PRMT9: variants seen among roughly 807,000 people sequenced by gnomAD.
PRMT9 encodes the protein protein arginine N-methyltransferase 9.
In PRMT9, 59 loss-of-function variants were observed where a neutral mutation model predicts 83.2. That is an observed-to-expected ratio of 0.71 (90% CI 0.57 to 0.88). The LOEUF (loss-of-function observed/expected upper bound fraction) is 0.88. Ranked by LOEUF, PRMT9 falls within the 40% of genes least tolerant of loss-of-function variation. The probability of loss-of-function intolerance (pLI) is 0.00; values close to 1 mark genes in which losing one functional copy is unlikely to be tolerated. For missense variants in PRMT9, 947 were observed against 1,021.9 expected (o/e 0.93, Z 1.00); for synonymous variants, 333 against 353.2 (o/e 0.94, Z 0.64).
chr4:147,662,868 C>G (rs1578912262), intron 6 of PRMT9, among the ~76,000 whole-genome samples: 2 of 152,010 alleles, frequency 1.3e-5, no homozygotes, highest in Admixed American at 1.3e-4. Flanking sequence ...GGAAACTACT[C>G]CAACCTCATC....
At chr4:147,678,190 GT>G (rs1736221808) in intron 2 of PRMT9, among the ~76,000 whole-genome samples, 1 of 152,180 alleles carries the variant, frequency 6.6e-6, no homozygotes, top group African/African-American at 2.4e-5. Context: ...GAGAAATTCT[GT>G]GGTCACTTAG....
chr4:147,657,681 A>C, intron 8 of PRMT9, 111 bp downstream of exon 8: 1 of 785,538 alleles, frequency 1.3e-6, no homozygotes, highest in Non-Finnish European at 2.1e-6. Context: ...AGATTTAACC[A>C]ACCTCCTTTG....
chr4:147,666,054 T>G (rs1375617917), intron 6 of PRMT9, among the ~76,000 whole-genome samples: 1 of 152,216 alleles, frequency 6.6e-6, no homozygotes, highest in Non-Finnish European at 1.5e-5. Flanking sequence ...GCACTAACAG[T>G]GTATAAATTT....
chr4:147,656,317 G>C (rs956252166), intron 8 of PRMT9, among the ~76,000 whole-genome samples: 1 of 152,046 alleles, frequency 6.6e-6, no homozygotes, highest in African/African-American at 2.4e-5. Context: ...GTGTGTGTCA[G>C]GATGTCCCTC....
intron 9 of PRMT9, among the ~76,000 whole-genome samples, chr4:147,648,056 T>C (rs1048582901): frequency 1.3e-5 from 2 of 152,172 alleles, no homozygotes; most frequent in African/African-American, 2.4e-5. Context: ...AAATATGATA[T>C]TGTGATTATA....
chr4:147,638,905 T>A, intron 11 of PRMT9, 55 bp downstream of exon 11: 2 of 1,521,950 alleles, frequency 1.3e-6, no homozygotes, highest in Admixed American at 3.4e-5. Flanking sequence ...TTACCTAATT[T>A]AAGATAATTA....
intron 7 of PRMT9, among the ~76,000 whole-genome samples, 166 bp from the exon 8 acceptor site, chr4:147,658,141 T>G (rs1200812955): frequency 1.3e-5 from 2 of 151,650 alleles, no homozygotes; most frequent in African/African-American, 4.9e-5. Context: ...GTTGGGAAGC[T>G]CTGACCTATT....
rs1734900626 is a variant in PRMT9, at chr4:147,660,872, T to A, written c.1120A>T (p.Met374Leu). The A allele has an allele frequency of 6.2e-7, 1 of 1,613,442 alleles. No individual in the cohort carries two copies. The highest frequency in any genetic ancestry group is 2.2e-5 in the East Asian group (1 of 44,832). ...YLALTECFEIMTVDFNNLQEL... is the reference protein window; with the variant it reads ...YLALTECFEILTVDFNNLQEL... ...TGAAGGTTGTTGAAATCTACTGTCA[T>A]AATTTCAAAGCACTCTGTCAAAGCC... is the stretch of plus-strand genomic sequence containing the variant. Residue 374 changes from methionine (M) to leucine (L), a missense_variant, in exon 7 of 12, where the codon ATG (methionine) becomes TTG (leucine). Physicochemically the swap from Met to Leu is conservative, Grantham distance 15 (BLOSUM62 2). Coordinates refer to ENST00000322396, the MANE Select transcript of PRMT9 (RefSeq NM_138364.4).
At chr4:147,675,135 C>A (rs1435345857) in intron 2 of PRMT9, among the ~76,000 whole-genome samples, 1 of 152,114 alleles carries the variant, frequency 6.6e-6, no homozygotes, top group Non-Finnish European at 1.5e-5. Flanking sequence ...AATGCGCCAC[C>A]ACGTCCGGCT....
Position 147,638,458 on chromosome 4 carries a change from C to A in PRMT9, c.*74G>T, listed in dbSNP as rs1030025131. ...GACCATTACAAGGAATTTTTATATA[C>A]CCCCACTAATTAAGACAAGAATTTT... On this transcript the variant is annotated 3_prime_UTR_variant, in exon 12 of 12. Transcript: ENST00000322396. 8.4e-6 allele frequency: 9 copies of A among 1,067,796 alleles called. No homozygotes were observed. The South Asian group carries it at 1.0e-4, about 12-fold the overall frequency. The allele number at this position is 1,067,796 out of a possible 1,614,324, so 66.1% of individuals were successfully genotyped here.
Position 147,654,221 on chromosome 4 carries a change from G to A in PRMT9, c.1676C>T (p.Thr559Ile), listed in dbSNP as rs1734323475. ...AGAGCTCATCTCATTCTGACAGTGA[G>A]TATCCATGGTCTGATACAGTTTCTC... ...TPEKLYQTMD[T>I]HCQNEMSSGT... The change falls in exon 9 of 12, where the codon ACT becomes ATT. Residue 559 changes from threonine to isoleucine, a missense_variant. Transcript: ENST00000322396. 10 of 1,614,112 alleles carry A rather than the reference G, an allele frequency of 6.2e-6. No homozygotes were observed. Among genetic ancestry groups the A allele is most frequent in the Non-Finnish European group, 8.5e-6 (10 of 1,179,934 alleles).
rs147031996 is a variant in PRMT9 at position 147,676,917 on chromosome 4, G to A, written c.339-3043C>T. Among the ~76,000 whole-genome samples, 566 of 151,938 alleles carry A rather than the reference G, an allele frequency of 3.7e-3. 7 individuals are homozygous for A. The highest frequency in any genetic ancestry group is 0.013 in the African/African-American group (520 of 41,426). On this transcript the variant is annotated intron_variant, in intron 2 of 11. Coordinates refer to ENST00000322396, the MANE Select transcript of PRMT9 (RefSeq NM_138364.4). ...AAATTAGCCGGGCGTGGTGGCATGT[G>A]CCTGTAATTCCAGCTACTCCGGAGG...
chr4:147,641,775 C>T (rs1733419662), intron 10 of PRMT9, among the ~76,000 whole-genome samples: 1 of 152,166 alleles, frequency 6.6e-6, no homozygotes, highest in African/African-American at 2.4e-5. Context: ...AATTCTCCTA[C>T]CTCAGCCTCC....
At chr4:147,674,603 T>C (rs1316186312) in intron 2 of PRMT9, among the ~76,000 whole-genome samples, 1 of 152,186 alleles carries the variant, frequency 6.6e-6, no homozygotes, top group Non-Finnish European at 1.5e-5. Flanking sequence ...TTAAGACTAG[T>C]CAAGTGCAAT....
intron 6 of PRMT9, among the ~76,000 whole-genome samples, chr4:147,664,390 GTTC>G (rs1735177683): frequency 6.6e-6 from 1 of 152,152 alleles, no homozygotes; most frequent in Non-Finnish European, 1.5e-5. Context: ...ATCTTAAACA[GTTC>G]TTCATCTTTG....
chr4:147,657,993 G>T lies in PRMT9; in HGVS notation c.1147-18C>A. 1 of 1,504,442 alleles carries T rather than the reference G, an allele frequency of 6.6e-7. No homozygotes were observed. The highest frequency in any genetic ancestry group is 9.2e-7 in the Non-Finnish European group (1 of 1,087,760). The allele number at this position is 1,504,442 out of a possible 1,614,324, so 93.2% of individuals were successfully genotyped here. A position where few individuals can be genotyped will look rare whatever the true frequency, so the allele number is the denominator to read the frequency against. ...TTTAATTCCTGAGAAAAATGTAGAAGGAATGAAACGGTTTTATATATTTCA... is the reference window on the plus strand; with the variant it reads ...TTTAATTCCTGAGAAAAATGTAGAATGAATGAAACGGTTTTATATATTTCA... On this transcript the variant is annotated intron_variant, in intron 7 of 11. Transcript: ENST00000322396.
At chr4:147,654,906 C>T (rs1734377810) in intron 8 of PRMT9, among the ~76,000 whole-genome samples, 1 of 152,156 alleles carries the variant, frequency 6.6e-6, no homozygotes. Context: ...GGGACTCTAT[C>T]ATCTTTGGTA....
Position 147,673,833 on chromosome 4 carries a change from G to A in PRMT9, c.380C>T (p.Ala127Val). The A allele has an allele frequency of 1.9e-6, 3 of 1,614,098 alleles. No homozygotes were observed. The highest frequency in any genetic ancestry group is 2.5e-6 in the Non-Finnish European group (3 of 1,179,982). Reference sequence around the variant, plus strand: ...ACTGAAATCAGGGTTTAGCTTCACTGCTTTATGAAAATACCCAGCTGCTTC... The same window carrying A: ...ACTGAAATCAGGGTTTAGCTTCACTACTTTATGAAAATACCCAGCTGCTTC... Reference protein sequence around the residue: ...RDEAAGYFHKAVKLNPDFSDA... With the variant: ...RDEAAGYFHKVVKLNPDFSDA... Residue 127 changes from alanine (A) to valine (V), a missense_variant, in exon 3 of 12, where the codon GCA becomes GTA. Ala to Val is a moderately conservative substitution (Grantham distance 64, BLOSUM62 0). Coordinates refer to ENST00000322396, the MANE Select transcript of PRMT9 (RefSeq NM_138364.4).
chr4:147,681,293 T>C (rs1165610839), intron 1 of PRMT9, among the ~76,000 whole-genome samples: 1 of 152,242 alleles, frequency 6.6e-6, no homozygotes, highest in East Asian at 1.9e-4. Context: ...AACCACTTGC[T>C]GGACTACAGC....
Sources: allele counts gnomAD v4.1 joint callset (sites outside exome capture counted in the v4.1 genomes callset), GRCh38; gene constraint gnomAD v4.1.1; transcripts MANE v1.5; gene names NCBI Gene and HGNC (gene_info 2026-07-23, HGNC 2026-07-21).